The following CYB561 variants were observed in gnomAD, a reference collection of about 807,000 sequenced individuals.
CYB561 encodes the protein cytochrome b561.
A neutral mutation model predicts 25.3 loss-of-function variants in CYB561; 11 were observed. The ratio of observed to expected loss-of-function variants is 0.44; its 90% CI spans 0.27 to 0.72. CYB561 has a LOEUF of 0.72. Among genes scored for constraint, CYB561 ranks in the 30% least tolerant of loss-of-function variants. The pLI, the probability that CYB561 is intolerant of heterozygous loss-of-function variation, is 0.18. For synonymous variants in CYB561, 165 were observed against 158.8 expected, an observed-to-expected ratio of 1.04 and a Z score of -0.29; for missense variants, 295 against 334.9, an observed-to-expected ratio of 0.88 and a Z score of 0.93.
At chr17:63,445,548 C>T (rs922333610) in intron 1 of CYB561, among the ~76,000 whole-genome samples, 40 of 151,908 alleles carry the variant, frequency 2.6e-4, no homozygotes, top group African/African-American at 8.9e-4. Context: ...CCCAGATCCA[C>T]ACGGATGATC....
chr17:63,440,033 G>T (rs936704223), intron 1 of CYB561, among the ~76,000 whole-genome samples: 5 of 152,074 alleles, frequency 3.3e-5, no homozygotes, highest in African/African-American at 1.2e-4. Flanking sequence ...CATTCCCAGG[G>T]TGGACGGGAA....
upstream of CYB561, chr17:63,446,447 G>C (rs924400821): frequency 6.6e-6 from 1 of 151,940 alleles, no homozygotes; most frequent in Admixed American, 6.6e-5. Context: ...GCTCGGGACC[G>C]GGCCCTGCCA....
At chr17:63,446,006 C>G (rs1436633109) in intron 1 of CYB561, 1 of 152,324 alleles carries the variant, frequency 6.6e-6, no homozygotes, top group Non-Finnish European at 1.5e-5. Flanking sequence ...CAGGCCAGGG[C>G]AGGGGCCGCC....
At chr17:63,442,064 C>T (rs2049380702) in intron 1 of CYB561, among the ~76,000 whole-genome samples, 3 of 152,206 alleles carry the variant, frequency 2.0e-5, no homozygotes, top group South Asian at 4.1e-4. Flanking sequence ...AGATGAACAG[C>T]GGCCTCTGGA....
rs533320785 is a variant in CYB561, at chr17:63,433,661, G to GC, written c.*740dup. 1.0e-3 allele frequency: 372 copies of GC among 355,898 alleles called. 1 individual carries two copies. The highest frequency in any genetic ancestry group is 6.8e-3 in the African/African-American group (326 of 47,772). 22.0% of individuals were successfully genotyped at this position (355,898 alleles called of 1,614,324 possible). A position where few individuals can be genotyped will look rare whatever the true frequency, so the allele number is the denominator to read the frequency against. On this transcript the variant is annotated 3_prime_UTR_variant, in exon 6 of 6. Coordinates refer to ENST00000360793, the MANE Select transcript of CYB561 (RefSeq NM_001915.4). ...CCCCAGCAGGAAGGGGCTGCAAGGT[G>GC]CCCCCCATCCCCAACCCCCATGTCT...
chr17:63,446,183 C>G (rs1482651732), intron 1 of CYB561, 62 bp downstream of exon 1: 1 of 152,152 alleles, frequency 6.6e-6, no homozygotes, highest in Non-Finnish European at 1.5e-5. Context: ...CAGGGCTCAC[C>G]TGGGCCGCCC....
chr17:63,441,173 C>G (rs1015959888), intron 1 of CYB561, among the ~76,000 whole-genome samples: 1 of 152,254 alleles, frequency 6.6e-6, no homozygotes, highest in Admixed American at 6.5e-5. Flanking sequence ...AATGCCCGGC[C>G]TGGCCTCCCG....
In CYB561 at chr17:63,434,366, A is replaced by G; in HGVS notation, c.*36T>C. 9.3e-6 allele frequency: 14 copies of G among 1,506,046 alleles called. No homozygotes were observed. The highest frequency in any genetic ancestry group is 1.2e-5 in the Non-Finnish European group (14 of 1,120,622). 93.3% of individuals were successfully genotyped at this position (1,506,046 alleles called of 1,614,324 possible). ...GACGCCTCAGCAGGGGCAGGCAAGA[A>G]GACACCCCGCGAACCCCCAGGGCCG... On this transcript the variant is annotated 3_prime_UTR_variant, in exon 6 of 6. Transcript: ENST00000360793.
At chr17:63,435,624 G>T in intron 4 of CYB561, 64 bp downstream of exon 4, 3 of 1,322,766 alleles carry the variant, frequency 2.3e-6, no homozygotes, top group Non-Finnish European at 3.3e-6. Context: ...TTTCAGCCCA[G>T]CTCCCCTCCT....
chr17:63,441,233 G>A (rs1244874627), intron 1 of CYB561, among the ~76,000 whole-genome samples: 4 of 152,238 alleles, frequency 2.6e-5, no homozygotes, highest in South Asian at 4.1e-4. Context: ...CAGGGCAGAC[G>A]TGTGCTTGGT....
chr17:63,445,007 C>T (rs527388669), intron 1 of CYB561, among the ~76,000 whole-genome samples: 4 of 152,290 alleles, frequency 2.6e-5, no homozygotes, highest in East Asian at 3.9e-4. Flanking sequence ...GAAACCCCGT[C>T]TCTCCTAAAA....
intron 1 of CYB561, chr17:63,440,261 C>A (rs1355363917): frequency 5.0e-6 from 2 of 398,674 alleles, no homozygotes; most frequent in Non-Finnish European, 8.8e-6. Flanking sequence ...TCGCCAAGTT[C>A]TCTCATGCCC....
chr17:63,442,449 T>A (rs767050174), intron 1 of CYB561, among the ~76,000 whole-genome samples: 10 of 152,148 alleles, frequency 6.6e-5, no homozygotes, highest in Non-Finnish European at 1.0e-4. Flanking sequence ...GTGGCCCTCA[T>A]TTCCCAGTCT....
rs2049245644 is a variant in CYB561, at chr17:63,432,954, G to A, written c.*1448C>T. 6.4e-6 allele frequency: 1 copy of A among 155,676 alleles called. No homozygotes were observed. Among genetic ancestry groups the A allele is most frequent in the African/African-American group, 2.4e-5 (1 of 41,612 alleles). The allele number at this position is 155,676 out of a possible 1,614,324, so 9.6% of individuals were successfully genotyped here. ...CCCTTCACTGAAGTACACAGTGTCTGTGTGTGTCTCAAGCTAAGCCATGCT... is the reference window on the plus strand; with the variant it reads ...CCCTTCACTGAAGTACACAGTGTCTATGTGTGTCTCAAGCTAAGCCATGCT... On this transcript the variant is annotated 3_prime_UTR_variant, in exon 6 of 6. Transcript: ENST00000360793.
chr17:63,437,590 AGCGCACAGCACCCCGAGAT>A (rs2049318702), intron 1 of CYB561, 30 bp from the exon 2 acceptor site: 8 of 1,570,272 alleles, frequency 5.1e-6, no homozygotes, highest in Non-Finnish European at 4.3e-6. Flanking sequence ...TCAGAGGAGC[AGCGCACAGCACCCCGAGAT>A]GCGCACAGCC....
chr17:63,438,656 A>G (rs1162142351), intron 1 of CYB561, among the ~76,000 whole-genome samples: 2 of 152,212 alleles, frequency 1.3e-5, no homozygotes, highest in African/African-American at 4.8e-5. Flanking sequence ...GAGGCCTGCG[A>G]AGGGGCCGGG....
intron 3 of CYB561, 66 bp downstream of exon 3, chr17:63,435,988 A>C (rs753553736): frequency 1.2e-6 from 2 of 1,611,946 alleles, no homozygotes; most frequent in African/African-American, 2.7e-5. Flanking sequence ...AGAGCAGGTG[A>C]AGCGGCTGTT....
At chr17:63,438,239 C>T (rs2049336005) in intron 1 of CYB561, 1 of 1,535,190 alleles carries the variant, frequency 6.5e-7, no homozygotes, top group African/African-American at 1.4e-5. Context: ...GAGGCCCTGG[C>T]CTTCCCTGGG....
At chr17:63,438,209 G>T (rs867429901) in intron 1 of CYB561, 6 of 1,535,600 alleles carry the variant, frequency 3.9e-6, no homozygotes, top group South Asian at 1.2e-5. Flanking sequence ...CCCAGTGCCC[G>T]GCTTTGTTTT....
Sources: allele counts gnomAD v4.1 joint callset (sites outside exome capture counted in the v4.1 genomes callset), GRCh38; gene constraint gnomAD v4.1.1; transcripts MANE v1.5; gene names NCBI Gene and HGNC (gene_info 2026-07-23, HGNC 2026-07-21).